Variants in FAM184B observed in about 807,000 individuals in gnomAD.
FAM184B encodes the protein family with sequence similarity 184 member B, also known as protein FAM184B.
In FAM184B, 111 loss-of-function variants were observed where a neutral mutation model predicts 135.9. That is an observed-to-expected ratio of 0.82 (90% CI 0.70 to 0.96). The LOEUF is 0.96. Ranked by LOEUF, FAM184B falls within the 40% of genes least tolerant of loss-of-function variation. The probability of loss-of-function intolerance (pLI) is 0.00; values close to 1 mark genes in which losing one functional copy is unlikely to be tolerated. For synonymous variants in FAM184B, 552 were observed against 524.8 expected (o/e 1.05, Z -0.71); for missense variants, 1,375 against 1,323.9 (o/e 1.04, Z -0.60).
chr4:17,749,052 T>C (rs1718239303), intron 1 of FAM184B, among the ~76,000 whole-genome samples: 1 of 150,358 alleles, frequency 6.7e-6, no homozygotes, highest in African/African-American at 2.5e-5. Flanking sequence ...CTGGCTGGTC[T>C]CAAACTCCTG....
chr4:17,710,095 G>T (rs1380974100), intron 1 of FAM184B, among the ~76,000 whole-genome samples: 3 of 152,124 alleles, frequency 2.0e-5, no homozygotes, highest in African/African-American at 7.3e-5. Flanking sequence ...AGAGGCAGAG[G>T]CAGGCGGATC....
intron 7 of FAM184B, among the ~76,000 whole-genome samples, chr4:17,665,444 C>T (rs1198416021): frequency 6.6e-6 from 1 of 152,158 alleles, no homozygotes; most frequent in Non-Finnish European, 1.5e-5. Context: ...CAGTATAAGA[C>T]AGGGTAGGAA....
intron 1 of FAM184B, among the ~76,000 whole-genome samples, chr4:17,739,868 T>A (rs1577284620): frequency 2.0e-5 from 3 of 152,002 alleles, no homozygotes; most frequent in African/African-American, 7.3e-5. Context: ...TCATACCAAC[T>A]TTTAACTGTC....
At chr4:17,702,147 G>T (rs1260762309) in intron 5 of FAM184B, among the ~76,000 whole-genome samples, 1 of 152,222 alleles carries the variant, frequency 6.6e-6, no homozygotes, top group Non-Finnish European at 1.5e-5. Context: ...TCCTGGCTGG[G>T]TAGCTGCCAA....
chr4:17,690,020 T>C (rs1211845432), intron 6 of FAM184B, among the ~76,000 whole-genome samples: 2 of 152,030 alleles, frequency 1.3e-5, no homozygotes, highest in African/African-American at 4.8e-5. Context: ...TGTTGGTGCG[T>C]GCCTGTAATC....
chr4:17,654,847 A>G (rs1215500043), intron 10 of FAM184B, among the ~76,000 whole-genome samples: 2 of 151,892 alleles, frequency 1.3e-5, no homozygotes, highest in Admixed American at 1.3e-4. Flanking sequence ...TCTGTGCCAA[A>G]TGTCTTTTTC....
intron 7 of FAM184B, among the ~76,000 whole-genome samples, chr4:17,670,575 G>T (rs781011295): frequency 1.3e-5 from 2 of 152,156 alleles, no homozygotes; most frequent in African/African-American, 2.4e-5. Flanking sequence ...GTCCAGAAAG[G>T]GGAGAGGACT....
At chr4:17,712,095 A>G (rs1717289302) in intron 1 of FAM184B, among the ~76,000 whole-genome samples, 1 of 152,246 alleles carries the variant, frequency 6.6e-6, no homozygotes, top group African/African-American at 2.4e-5. Context: ...CATCTGAATT[A>G]GTTCAGAGAA....
At position 17,707,717 on chromosome 4, in the gene FAM184B, A is replaced by G. The variant is rs774054220; in HGVS notation, c.962T>C (p.Leu321Pro). 1.9e-6 allele frequency: 3 copies of G among 1,551,656 alleles called. No individual in the cohort carries two copies. Among genetic ancestry groups the G allele is most frequent in the African/African-American group, 2.7e-5 (2 of 73,016 alleles). Reference protein sequence around the residue: ...NSELKGTAKKLGEKLAVAKDR... With the variant: ...NSELKGTAKKPGEKLAVAKDR... ...TTTGGCAACAGCCAGCTTCTCCCCA[A>G]GTTTTTTTGCAGTGCCTTTCAACTC... The change falls in exon 3 of 18, where the codon CTT becomes CCT. Residue 321 changes from leucine (L) to proline (P), a missense_variant. By Grantham distance (98) the Leu-to-Pro change is moderately conservative. Coordinates refer to ENST00000265018, the MANE Select transcript of FAM184B (RefSeq NM_015688.2).
At chr4:17,742,165 TATA>T (rs1323294167) in intron 1 of FAM184B, among the ~76,000 whole-genome samples, 804 of 7,198 alleles carry the variant, frequency 0.11, 4 homozygotes, top group Non-Finnish European at 0.12. Context: ...TATATATATA[TATA>T]TTTTTTTTTT....
chr4:17,715,237 C>T (rs772052376), intron 1 of FAM184B, among the ~76,000 whole-genome samples: 11 of 151,930 alleles, frequency 7.2e-5, no homozygotes, highest in African/African-American at 2.2e-4. Context: ...CACTTTGGGA[C>T]GCCAAAGTGG....
chr4:17,652,290 A>C (rs1000505431), intron 11 of FAM184B, among the ~76,000 whole-genome samples: 1 of 151,360 alleles, frequency 6.6e-6, no homozygotes, highest in African/African-American at 2.4e-5. Flanking sequence ...ACGCCCGGCT[A>C]ATTTTTTGTA....
At chr4:17,766,328 G>A (rs1718686564) in intron 1 of FAM184B, among the ~76,000 whole-genome samples, 1 of 152,186 alleles carries the variant, frequency 6.6e-6, no homozygotes, top group Non-Finnish European at 1.5e-5. Context: ...CACTGGATTA[G>A]CTACACACAG....
rs576083570 is a variant in FAM184B at position 17,629,464 on chromosome 4, C to T, written c.*3068G>A. 1 of 152,298 alleles carries T rather than the reference C, an allele frequency of 6.6e-6. No homozygotes were observed. Among genetic ancestry groups the T allele is most frequent in the East Asian group, 1.9e-4 (1 of 5,184 alleles). 9.4% of individuals were successfully genotyped at this position (152,298 alleles called of 1,614,324 possible). ...ATCAGTGTTAGAGCAGTTAAGGGCT[C>T]AGGTATGTGGTGTGCAGCCATTGAC... On this transcript the variant is annotated 3_prime_UTR_variant, in exon 18 of 18. Transcript: ENST00000265018.
At position 17,778,302 on chromosome 4, in the gene FAM184B, G is replaced by A. The variant is rs371406335; in HGVS notation, c.141+2857C>T. 6.4e-4 allele frequency among the ~76,000 whole-genome samples: 97 copies of A among 152,322 alleles called. 1 individual carries two copies. In the South Asian group the frequency reaches 0.018, roughly 29 times the overall value. On this transcript the variant is annotated intron_variant, in intron 1 of 17. Coordinates refer to ENST00000265018, the MANE Select transcript of FAM184B (RefSeq NM_015688.2). ...AGTGGAGTACTATCATCAGTGTGGT[G>A]TGGGAAAATAACTGTTCACTAGAAT...
intron 7 of FAM184B, among the ~76,000 whole-genome samples, chr4:17,686,720 T>C (rs1027211759): frequency 6.6e-6 from 1 of 152,192 alleles, no homozygotes; most frequent in Non-Finnish European, 1.5e-5. Flanking sequence ...GAAAGGAGGA[T>C]CACCTGAGGT....
At chr4:17,695,889 T>A (rs1430398789) in intron 5 of FAM184B, among the ~76,000 whole-genome samples, 2 of 152,174 alleles carry the variant, frequency 1.3e-5, no homozygotes, top group Non-Finnish European at 2.9e-5. Flanking sequence ...TATAGAGGCA[T>A]GCATTTGAAT....
intron 1 of FAM184B, among the ~76,000 whole-genome samples, chr4:17,745,239 C>A (rs544790599): frequency 6.6e-6 from 1 of 152,292 alleles, no homozygotes; most frequent in East Asian, 1.9e-4. Flanking sequence ...CTGCTACTAA[C>A]CGTGATCATG....
In FAM184B at chr4:17,631,426, A is replaced by G. The variant is rs6818639; in HGVS notation, c.*1106T>C. 0.53 allele frequency: 79,929 copies of G among 152,034 alleles called. 23,657 individuals carry two copies. The highest frequency in any genetic ancestry group is 0.88 in the East Asian group (4,552 of 5,174). The allele number at this position is 152,034 out of a possible 1,614,324, so 9.4% of individuals were successfully genotyped here. ...GCTCTCCTCCCATCTCAGCCTCCCAAAGTGTTGGGATTACAGGCATGAGCC... is the reference window on the plus strand; with the variant it reads ...GCTCTCCTCCCATCTCAGCCTCCCAGAGTGTTGGGATTACAGGCATGAGCC... On this transcript the variant is annotated 3_prime_UTR_variant, in exon 18 of 18. Transcript: ENST00000265018.
Sources: gnomAD v4.1 joint callset for allele counts (sites outside exome capture counted in the v4.1 genomes callset) on GRCh38, gnomAD v4.1.1 for gene constraint, MANE v1.5 for transcripts, NCBI Gene and HGNC (gene_info 2026-07-23, HGNC 2026-07-21) for gene names.